The following ADAMTSL1 variants were observed in gnomAD, a reference collection of about 807,000 sequenced individuals.
ADAMTSL1 encodes ADAMTS-like protein 1.
ADAMTSL1 carries 126 observed loss-of-function variants against 201.8 expected under a neutral mutation model. The ratio of observed to expected loss-of-function variants is 0.62; its 90% CI spans 0.54 to 0.72. The LOEUF (loss-of-function observed/expected upper bound fraction) is 0.72, where lower values mean the gene tolerates loss of function less well. ADAMTSL1 is among the 30% of genes least tolerant of loss of function. ADAMTSL1 has a pLI of 0.00. For synonymous variants in ADAMTSL1, 1,121 were observed against 903.4 expected (o/e 1.24, Z -4.32); for missense variants, 2,679 against 2,277.8 (o/e 1.18, Z -3.59).
At chr9:18,598,831 G>A (rs763512756) in intron 4 of ADAMTSL1, among the ~76,000 whole-genome samples, 11 of 149,640 alleles carry the variant, frequency 7.4e-5, no homozygotes, top group Non-Finnish European at 1.3e-4. Context: ...TGCCATCAGC[G>A]TTACAAGTGA....
chr9:18,183,768 C>G (rs537479040), intron 2 of ADAMTSL1, among the ~76,000 whole-genome samples: 34 of 152,246 alleles, frequency 2.2e-4, no homozygotes, highest in Non-Finnish European at 2.9e-5. Context: ...AAAGAATAAA[C>G]CAGTCTTTAT....
intron 1 of ADAMTSL1, among the ~76,000 whole-genome samples, chr9:17,939,169 A>C (rs372020977): frequency 6.6e-5 from 10 of 151,984 alleles, no homozygotes; most frequent in African/African-American, 1.9e-4. Context: ...TCTCCAGAAA[A>C]TTCTCTTTAT....
chr9:18,624,010 A>G (rs1826199942), intron 5 of ADAMTSL1, among the ~76,000 whole-genome samples: 1 of 152,180 alleles, frequency 6.6e-6, no homozygotes, highest in Admixed American at 6.5e-5. Flanking sequence ...GTGGAGGAAT[A>G]TTCTCAGAAG....
intron 2 of ADAMTSL1, among the ~76,000 whole-genome samples, chr9:18,523,741 C>A (rs1369379952): frequency 2.1e-5 from 3 of 142,072 alleles, no homozygotes; most frequent in Non-Finnish European, 4.6e-5. Flanking sequence ...TGTCAAAGAT[C>A]AGATAGTTGT....
intron 2 of ADAMTSL1, among the ~76,000 whole-genome samples, chr9:18,375,395 C>G (rs566115447): frequency 5.7e-4 from 86 of 152,134 alleles, no homozygotes; most frequent in African/African-American, 2.0e-3. Flanking sequence ...GCACAACGTT[C>G]AGGTTTTTGG....
At chr9:17,982,821 T>A (rs1755879696) in intron 1 of ADAMTSL1, among the ~76,000 whole-genome samples, 1 of 152,016 alleles carries the variant, frequency 6.6e-6, no homozygotes, top group Non-Finnish European at 1.5e-5. Context: ...ACCATCAGAA[T>A]AAGCAGTCTC....
chr9:18,852,453 G>T (rs1233181417), intron 23 of ADAMTSL1, among the ~76,000 whole-genome samples: 1 of 151,802 alleles, frequency 6.6e-6, no homozygotes. Context: ...AGTTAAGAAT[G>T]CCCTCAGAAG....
intron 2 of ADAMTSL1, among the ~76,000 whole-genome samples, chr9:18,291,615 C>T (rs763850251): frequency 1.3e-5 from 2 of 151,974 alleles, no homozygotes; most frequent in Non-Finnish European, 2.9e-5. Context: ...GATCTGACTA[C>T]TGGATTCTTG....
rs1351509500 is a variant in ADAMTSL1 at position 17,910,687 on chromosome 9, G to A, written c.87+3765G>A. 7.3e-5 allele frequency among the ~76,000 whole-genome samples: 5 copies of A among 68,964 alleles called. 2 individuals carry two copies. Among genetic ancestry groups the A allele is most frequent in the African/African-American group, 1.5e-4 (5 of 34,120 alleles). 45.2% of individuals were successfully genotyped at this position (68,964 alleles called of 152,430 possible). A position where few individuals can be genotyped will look rare whatever the true frequency, so the allele number is the denominator to read the frequency against. On this transcript the variant is annotated intron_variant, in intron 1 of 29. Transcript: ENST00000680146. ...GAGTTTAAAGTGGTAGATTGGTTCA[G>A]TATCCCGGTAAATGCAAAATGCCTT...
At chr9:18,902,869 A>C (rs1830089323) in intron 26 of ADAMTSL1, among the ~76,000 whole-genome samples, 1 of 152,194 alleles carries the variant, frequency 6.6e-6, no homozygotes, top group African/African-American at 2.4e-5. Context: ...AATTCCTAAA[A>C]TCAGAAATGA....
At position 18,171,658 on chromosome 9, in the gene ADAMTSL1, T is replaced by G. The variant is rs190095622; in HGVS notation, c.207+7677T>G. ...TCTTCACTATGATGATAGTTTCTTT[T>G]GCTGTGCAGAAGCTCTTCAGTTTAA... is the stretch of plus-strand genomic sequence containing the variant. On this transcript the variant is annotated intron_variant, in intron 2 of 29. Coordinates refer to the ADAMTSL1 transcript ENST00000680146. 2.2e-3 allele frequency among the ~76,000 whole-genome samples: 340 copies of G among 152,294 alleles called. 2 individuals are homozygous for G. Among genetic ancestry groups the G allele is most frequent in the African/African-American group, 7.3e-3 (302 of 41,582 alleles).
rs534336689 is a variant in ADAMTSL1 at position 18,206,345 on chromosome 9, G to T, written c.207+42364G>T. 3.3e-5 allele frequency among the ~76,000 whole-genome samples: 5 copies of T among 152,204 alleles called. No individual in the cohort carries two copies. The East Asian group carries it at 9.7e-4, about 30-fold the overall frequency. On this transcript the variant is annotated intron_variant, in intron 2 of 29. Coordinates refer to the ADAMTSL1 transcript ENST00000680146. Reference sequence around the variant, plus strand: ...ATGTGATTGACGTGGAGCCCAGGGAGCTGGGTGTACTAGAGCAGCATGTCT... The same window carrying T: ...ATGTGATTGACGTGGAGCCCAGGGATCTGGGTGTACTAGAGCAGCATGTCT...
At chr9:18,489,326 C>T (rs1390102394) in intron 1 of ADAMTSL1, among the ~76,000 whole-genome samples, 1 of 152,202 alleles carries the variant, frequency 6.6e-6, no homozygotes, top group African/African-American at 2.4e-5. Flanking sequence ...ATTCCAGGAA[C>T]TCCTGTAGTC....
At chr9:18,165,353 T>C (rs1827585706) in intron 2 of ADAMTSL1, among the ~76,000 whole-genome samples, 2 of 151,918 alleles carry the variant, frequency 1.3e-5, no homozygotes, top group Non-Finnish European at 2.9e-5. Context: ...ATAAAGGAAA[T>C]TGAATAATAT....
chr9:17,906,756 C>G (rs891053629), exon 1 of ADAMTSL1: 1 of 152,894 alleles, frequency 6.5e-6, no homozygotes, highest in Non-Finnish European at 1.5e-5. Context: ...GCGGAGCCAC[C>G]GCAATCAGCG....
chr9:18,282,223 G>T (rs149081983), intron 2 of ADAMTSL1, among the ~76,000 whole-genome samples: 720 of 152,268 alleles, frequency 4.7e-3, no homozygotes, highest in Non-Finnish European at 7.1e-3. Flanking sequence ...ATCCATCCGT[G>T]TTGCTGCAAA....
chr9:18,343,418 A>G (rs1263452117), intron 2 of ADAMTSL1, among the ~76,000 whole-genome samples: 1 of 152,110 alleles, frequency 6.6e-6, no homozygotes, highest in African/African-American at 2.4e-5. Flanking sequence ...CCCACCAGTG[A>G]TCAATGAAGT....
At chr9:18,754,620 C>G (rs1819639119) in intron 16 of ADAMTSL1, among the ~76,000 whole-genome samples, 1 of 152,218 alleles carries the variant, frequency 6.6e-6, no homozygotes, top group Non-Finnish European at 1.5e-5. Context: ...CATTTCCAGG[C>G]AGCCACGTGT....
intron 2 of ADAMTSL1, among the ~76,000 whole-genome samples, chr9:18,381,116 G>A (rs1311654117): frequency 1.3e-5 from 2 of 152,228 alleles, no homozygotes; most frequent in Non-Finnish European, 2.9e-5. Flanking sequence ...GGGTGGAAAT[G>A]CTTTGGGGTG....
Sources: gnomAD v4.1 joint callset for allele counts (sites outside exome capture counted in the v4.1 genomes callset) on GRCh38, gnomAD v4.1.1 for gene constraint, MANE v1.5 for transcripts, NCBI Gene and HGNC (gene_info 2026-07-23, HGNC 2026-07-21) for gene names.